CAST: variants seen among roughly 807,000 people sequenced by gnomAD.
CAST encodes MIR583 host.
A neutral mutation model predicts 119.6 loss-of-function variants in CAST; 76 were observed. The observed-to-expected ratio is 0.64, with a 90% CI of 0.53 to 0.77. CAST has a LOEUF of 0.77. CAST is among the 30% of genes least tolerant of loss of function. CAST has a pLI of 0.00. For missense variants in CAST, 953 were observed against 946.5 expected (o/e 1.01, Z -0.09); for synonymous variants, 319 against 331.6 (o/e 0.96, Z 0.41).
At chr5:96,728,446 CA>C (rs1478486771) in intron 6 of CAST, 1 of 150,310 alleles carries the variant, frequency 6.7e-6, no homozygotes, top group African/African-American at 2.4e-5. Context: ...AACAAAGAAA[CA>C]AAACTCTGTA....
At chr5:96,724,353 C>T (rs1758859391) in intron 4 of CAST, among the ~76,000 whole-genome samples, 1 of 151,852 alleles carries the variant, frequency 6.6e-6, no homozygotes, top group Non-Finnish European at 1.5e-5. Flanking sequence ...GCTAATATTT[C>T]TGTTTTTCTG....
chr5:96,475,125 G>A, the CAST span, among the ~76,000 whole-genome samples: 2 of 152,216 alleles, frequency 1.3e-5, no homozygotes, highest in East Asian at 1.9e-4. Context: ...CTCCTCATCC[G>A]TCCCTGCCCC....
the CAST span, among the ~76,000 whole-genome samples, chr5:96,243,791 A>G: frequency 6.6e-6 from 1 of 152,120 alleles, no homozygotes; most frequent in Non-Finnish European, 1.5e-5. Flanking sequence ...ACTTTGGGTA[A>G]AACTACCCCG....
the CAST span, among the ~76,000 whole-genome samples, chr5:96,356,520 G>GGA: frequency 6.6e-6 from 1 of 152,160 alleles, no homozygotes; most frequent in African/African-American, 2.4e-5. Flanking sequence ...TAAGGTGTAA[G>GGA]GAAGGGGTCC....
chr5:96,332,896 T>C, the CAST span, among the ~76,000 whole-genome samples: 1 of 152,316 alleles, frequency 6.6e-6, no homozygotes. Context: ...ATTGGTCTCC[T>C]GGCTTGGGTT....
At chr5:96,414,467 C>T in the CAST span, among the ~76,000 whole-genome samples, 5 of 152,126 alleles carry the variant, frequency 3.3e-5, no homozygotes, top group Non-Finnish European at 7.4e-5. Flanking sequence ...ACAAATCTAG[C>T]CCCTAAATCT....
the CAST span, among the ~76,000 whole-genome samples, chr5:96,235,633 G>A: frequency 6.6e-6 from 1 of 151,626 alleles, no homozygotes; most frequent in African/African-American, 2.4e-5. Context: ...CAAGAGTTCT[G>A]GGCTTTTTTT....
At chr5:96,313,568 G>T in the CAST span, among the ~76,000 whole-genome samples, 1 of 151,940 alleles carries the variant, frequency 6.6e-6, no homozygotes, top group Admixed American at 6.6e-5. Context: ...TAGACATTTT[G>T]GGTTGTTTCC....
chr5:96,528,681 T>C (rs114173756), upstream of CAST, among the ~76,000 whole-genome samples: 422 of 152,290 alleles, frequency 2.8e-3, 1 homozygote, highest in African/African-American at 9.9e-3. Flanking sequence ...TTATGATAAT[T>C]TCTGAGAATT....
At chr5:96,170,097 C>T in the CAST span, among the ~76,000 whole-genome samples, 1 of 152,182 alleles carries the variant, frequency 6.6e-6, no homozygotes, top group Non-Finnish European at 1.5e-5. Flanking sequence ...TTACCCAAAG[C>T]TTGGCGTCCG....
intron 1 of CAST, among the ~76,000 whole-genome samples, chr5:96,550,697 A>G (rs556353478): frequency 6.6e-6 from 1 of 152,360 alleles, no homozygotes; most frequent in Admixed American, 6.5e-5. Context: ...GCTAACTAGA[A>G]TAGCCAGTGT....
chr5:96,136,360 G>A, the CAST span, among the ~76,000 whole-genome samples: 36,365 of 151,532 alleles, frequency 0.24, 5,519 homozygotes, highest in Non-Finnish European at 0.33. Flanking sequence ...GTTTTGTTTT[G>A]TTTTGTTTTG....
the CAST span, among the ~76,000 whole-genome samples, chr5:96,258,621 C>T: frequency 3.9e-5 from 6 of 152,102 alleles, no homozygotes; most frequent in Non-Finnish European, 7.4e-5. Context: ...GTACATGACA[C>T]ATTAAAGGAA....
the CAST span, among the ~76,000 whole-genome samples, chr5:96,164,962 G>A: frequency 0.041 from 6,199 of 152,168 alleles, 378 homozygotes; most frequent in African/African-American, 0.13. Context: ...GGGGTGGAAC[G>A]TGAAGAATGG....
intron 1 of CAST, among the ~76,000 whole-genome samples, chr5:96,599,974 A>AAAAAAAAAAAAAAAAAC (rs1460109288): frequency 4.8e-5 from 6 of 125,672 alleles, no homozygotes; most frequent in Non-Finnish European, 1.0e-4. Flanking sequence ...GGCAAAAAAA[A>AAAAAAAAAAAAAAAAAC]AAAAAAAAAC....
the CAST span, among the ~76,000 whole-genome samples, chr5:96,357,965 T>G: frequency 1.3e-5 from 2 of 151,980 alleles, no homozygotes; most frequent in Admixed American, 6.6e-5. Flanking sequence ...GGTCCTGAAC[T>G]TTTTTTTGTT....
At chr5:96,577,047 T>C (rs535541212) in intron 1 of CAST, among the ~76,000 whole-genome samples, 1 of 152,292 alleles carries the variant, frequency 6.6e-6, no homozygotes, top group South Asian at 2.1e-4. Context: ...TGTGTTCTCA[T>C]TGCTTAGCTC....
At chr5:96,747,138 G>T (rs971902014) in intron 17 of CAST, among the ~76,000 whole-genome samples, 1 of 152,000 alleles carries the variant, frequency 6.6e-6, no homozygotes, top group Non-Finnish European at 1.5e-5. Flanking sequence ...AAGTAAATGT[G>T]CATTCTGCTT....
chr5:96,096,812 A>G, the CAST span, among the ~76,000 whole-genome samples: 1 of 152,144 alleles, frequency 6.6e-6, no homozygotes, highest in South Asian at 2.1e-4. Flanking sequence ...GATCACATGA[A>G]ATGAAGTGAC....
Sources: gnomAD v4.1 joint callset for allele counts (sites outside exome capture counted in the v4.1 genomes callset) on GRCh38, gnomAD v4.1.1 for gene constraint, MANE v1.5 for transcripts, NCBI Gene and HGNC (gene_info 2026-07-23, HGNC 2026-07-21) for gene names.